Variants in E2F3 observed in about 807,000 individuals in gnomAD.
E2F3 encodes transcription factor E2F3.
E2F3 carries 11 observed loss-of-function variants against 44.4 expected under a neutral mutation model. The observed-to-expected ratio is 0.25, with a 90% CI of 0.16 to 0.41. The LOEUF (loss-of-function observed/expected upper bound fraction) is 0.41. E2F3 is among the 10% of genes least tolerant of loss of function. The probability of loss-of-function intolerance (pLI) is 1.00; values close to 1 mark genes in which losing one functional copy is unlikely to be tolerated. For missense variants in E2F3, 487 were observed against 583.6 expected, an observed-to-expected ratio of 0.83 and a Z score of 1.70; for synonymous variants, 249 against 253.0, an observed-to-expected ratio of 0.98 and a Z score of 0.15.
At chr6:20,437,104 G>T (rs578136554) in intron 1 of E2F3, among the ~76,000 whole-genome samples, 4 of 152,308 alleles carry the variant, frequency 2.6e-5, no homozygotes, top group Admixed American at 6.5e-5. Context: ...ACTCCAGCTT[G>T]GGCGCAGAGT....
chr6:20,403,145 G>C (rs1759366641), intron 1 of E2F3, among the ~76,000 whole-genome samples: 2 of 151,870 alleles, frequency 1.3e-5, no homozygotes, highest in Admixed American at 1.3e-4. Context: ...GCAGGGGATC[G>C]GCGGGGCTGC....
chr6:20,447,599 G>A (rs1393040762), intron 1 of E2F3, among the ~76,000 whole-genome samples: 1 of 151,904 alleles, frequency 6.6e-6, no homozygotes, highest in East Asian at 1.9e-4. Flanking sequence ...TAAGGGCCGA[G>A]ATGAAGCAGA....
chr6:20,432,909 C>A (rs1760455691), intron 1 of E2F3, among the ~76,000 whole-genome samples: 1 of 152,228 alleles, frequency 6.6e-6, no homozygotes, highest in Non-Finnish European at 1.5e-5. Flanking sequence ...GGCCTTGCCT[C>A]ACATCTTCAT....
intron 1 of E2F3, among the ~76,000 whole-genome samples, chr6:20,458,923 T>G (rs1761404042): frequency 6.7e-6 from 1 of 149,000 alleles, no homozygotes; most frequent in South Asian, 2.2e-4. Context: ...TCATACGAAA[T>G]GGGGTCTACA....
At chr6:20,470,288 T>C (rs527344016) in intron 1 of E2F3, among the ~76,000 whole-genome samples, 1 of 152,354 alleles carries the variant, frequency 6.6e-6, no homozygotes, top group East Asian at 1.9e-4. Flanking sequence ...TCCCATTGTT[T>C]GCTTGCCTGT....
chr6:20,403,912 G>C (rs1362033495), intron 1 of E2F3: 1 of 906,622 alleles, frequency 1.1e-6, no homozygotes, highest in African/African-American at 1.8e-5. Context: ...GGTGAGGGTA[G>C]GCGGTTGAGC....
Position 20,490,800 on chromosome 6 carries a change from A to G in E2F3, c.*370A>G, listed in dbSNP as rs866450335. 6.8e-5 allele frequency: 16 copies of G among 235,242 alleles called. No individual in the cohort carries two copies. The highest frequency in any genetic ancestry group is 3.5e-4 in the South Asian group (2 of 5,676). 14.6% of individuals were successfully genotyped at this position (235,242 alleles called of 1,614,324 possible). A position where few individuals can be genotyped will look rare whatever the true frequency, so the allele number is the denominator to read the frequency against. On this transcript the variant is annotated 3_prime_UTR_variant, in exon 7 of 7. Transcript: ENST00000346618. This position sits in a 1 kb window ranked among gnomAD's most constrained non-coding sequence, Gnocchi z 4.3. The stretch of plus-strand genomic sequence containing the variant: ...ATGGGCTGTAGAATGGGGTCTGGCC[A>G]CCTGGCCTGCTGGGAAACAGCAATC...
At chr6:20,479,507 C>T (rs902177530) in intron 1 of E2F3, among the ~76,000 whole-genome samples, 25 of 152,348 alleles carry the variant, frequency 1.6e-4, no homozygotes, top group Middle Eastern at 3.4e-3. Flanking sequence ...TTAAGCCCCA[C>T]GGCGCCTGTG....
intron 1 of E2F3, among the ~76,000 whole-genome samples, chr6:20,424,210 G>GGGGTGTGT (rs1554135916): frequency 2.9e-5 from 4 of 136,998 alleles, no homozygotes; most frequent in South Asian, 2.4e-4. Context: ...TCAGTGGAAG[G>GGGGTGTGT]GTGTGTGTGT....
chr6:20,435,921 C>G (rs1760558138), intron 1 of E2F3, among the ~76,000 whole-genome samples: 2 of 151,880 alleles, frequency 1.3e-5, no homozygotes, highest in Admixed American at 1.3e-4. Flanking sequence ...TATCAACCTT[C>G]CCTGGAAGAA....
In E2F3 at chr6:20,479,036, C is replaced by T. The variant is rs55947225; in HGVS notation, c.394-810C>T. 5.2e-3 allele frequency among the ~76,000 whole-genome samples: 790 copies of T among 152,120 alleles called. 4 individuals carry two copies. Among genetic ancestry groups the T allele is most frequent in the Non-Finnish European group, 7.9e-3 (538 of 67,994 alleles). On this transcript the variant is annotated intron_variant, in intron 1 of 6. Coordinates refer to ENST00000346618, the MANE Select transcript of E2F3 (RefSeq NM_001949.5). ...GCCCAATGCCTAGGTACCTAGAAGACGCTATGTGGATATTTTAAAATTTAA... is the reference window on the plus strand; with the variant it reads ...GCCCAATGCCTAGGTACCTAGAAGATGCTATGTGGATATTTTAAAATTTAA...
intron 1 of E2F3, among the ~76,000 whole-genome samples, chr6:20,434,096 A>G (rs1760495985): frequency 1.3e-5 from 2 of 152,322 alleles, no homozygotes; most frequent in African/African-American, 2.4e-5. Flanking sequence ...GAGCAGAAAA[A>G]TCTTTGCACA....
intron 1 of E2F3, among the ~76,000 whole-genome samples, chr6:20,438,198 G>GTCGTGAGGATTCA (rs1009408004): frequency 6.6e-6 from 1 of 152,168 alleles, no homozygotes; most frequent in African/African-American, 2.4e-5. Flanking sequence ...ACCTTACACA[G>GTCGTGAGGATTCA]TCGTGAGGAT....
In E2F3 at chr6:20,402,094, AAAGAG is replaced by A. The variant is rs1284048607; in HGVS notation, c.-137_-133del. 7.3e-7 allele frequency: 1 copy of A among 1,375,220 alleles called. No individual in the cohort carries two copies. Among genetic ancestry groups the A allele is most frequent in the Non-Finnish European group, 9.4e-7 (1 of 1,059,968 alleles). 85.2% of individuals were successfully genotyped at this position (1,375,220 alleles called of 1,614,324 possible). ...TGTGCGGTGCGGAAAAATAAAAAGA[AAAGAG>A]AGAGAGGGGGCTCGGAAGCGCCGGG... On this transcript the variant is annotated 5_prime_UTR_variant, in exon 1 of 7. Coordinates refer to ENST00000346618, the MANE Select transcript of E2F3 (RefSeq NM_001949.5). This position sits in a 1 kb window ranked among gnomAD's most constrained non-coding sequence, Gnocchi z 5.6.
Position 20,402,890 on chromosome 6 carries a change from C to T in E2F3, c.393+265C>T, listed in dbSNP as rs1759355031. On this transcript the variant is annotated intron_variant, in intron 1 of 6. Transcript: ENST00000346618. The surrounding 1 kb of genome is among the most constrained non-coding windows in gnomAD (Gnocchi z 5.6). ...TCAAACACTCCAAAACTTTTCGCGG[C>T]CCCCCCTTCTTTTCCTGCACTTTTC... 6.6e-6 allele frequency among the ~76,000 whole-genome samples: 1 copy of T among 152,042 alleles called. No homozygotes were observed. The highest frequency in any genetic ancestry group is 1.5e-5 in the Non-Finnish European group (1 of 67,986).
chr6:20,443,134 G>A (rs887249754), intron 1 of E2F3, among the ~76,000 whole-genome samples: 1 of 152,158 alleles, frequency 6.6e-6, no homozygotes, highest in African/African-American at 2.4e-5. Flanking sequence ...GGGTACAGTG[G>A]CAATAGCAGG....
At chr6:20,444,046 T>A (rs1760858768) in intron 1 of E2F3, among the ~76,000 whole-genome samples, 1 of 151,758 alleles carries the variant, frequency 6.6e-6, no homozygotes, top group African/African-American at 2.4e-5. Context: ...ACCAGGTCTC[T>A]ACAAAAAAAA....
chr6:20,446,203 G>A (rs1033611895), intron 1 of E2F3, among the ~76,000 whole-genome samples: 2 of 152,132 alleles, frequency 1.3e-5, no homozygotes, highest in Non-Finnish European at 2.9e-5. Context: ...AGGACCTGCT[G>A]TAGTTACAAA....
At chr6:20,429,949 T>A (rs1013569056) in intron 1 of E2F3, among the ~76,000 whole-genome samples, 2 of 152,100 alleles carry the variant, frequency 1.3e-5, no homozygotes, top group Admixed American at 1.3e-4. Flanking sequence ...TGAACCACCC[T>A]AGTTATAATG....
Sources: allele counts gnomAD v4.1 joint callset (sites outside exome capture counted in the v4.1 genomes callset), GRCh38; gene constraint gnomAD v4.1.1; non-coding constraint Gnocchi (gnomAD v3.1); transcripts MANE v1.5; gene names NCBI Gene and HGNC (gene_info 2026-07-23, HGNC 2026-07-21).